The following IARS1 variants were observed in gnomAD, a reference collection of about 807,000 sequenced individuals.
The protein encoded by IARS1 is isoleucine--tRNA ligase, cytoplasmic.
In IARS1, 124 loss-of-function variants were observed where a neutral mutation model predicts 168.2. The ratio of observed to expected loss-of-function variants is 0.74; its 90% CI spans 0.64 to 0.86. The LOEUF is 0.86. Ranked by LOEUF, IARS1 falls within the 40% of genes least tolerant of loss-of-function variation. The probability of loss-of-function intolerance (pLI) is 0.00; values close to 1 mark genes in which losing one functional copy is unlikely to be tolerated. For missense variants in IARS1, 1,452 were observed against 1,515.8 expected (o/e 0.96, Z 0.70); for synonymous variants, 532 against 529.4 (o/e 1.00, Z -0.07).
intron 24 of IARS1, 109 bp from the exon 25 acceptor site, chr9:92,250,050 C>T: frequency 1.2e-6 from 1 of 865,942 alleles, no homozygotes; most frequent in Non-Finnish European, 1.9e-6. Flanking sequence ...TCAGGCTGGA[C>T]TAGTACTAAG....
intron 21 of IARS1, among the ~76,000 whole-genome samples, chr9:92,252,764 CAAAAAAAA>C (rs34983021): frequency 2.1e-3 from 57 of 27,228 alleles, no homozygotes; most frequent in Admixed American, 4.1e-3. Context: ...AACTCCTTCT[CAAAAAAAA>C]AAAAAAAAAA....
At chr9:92,251,439 T>C (rs2133706435) in intron 22 of IARS1, among the ~76,000 whole-genome samples, 1 of 152,324 alleles carries the variant, frequency 6.6e-6, no homozygotes, top group East Asian at 1.9e-4. Context: ...TTTTGTGATA[T>C]ATATATATTT....
chr9:92,235,265 C>G (rs1018514409), intron 30 of IARS1, among the ~76,000 whole-genome samples: 1 of 152,136 alleles, frequency 6.6e-6, no homozygotes, highest in Non-Finnish European at 1.5e-5. Flanking sequence ...AGTACAATGT[C>G]GAATATGAGT....
intron 20 of IARS1, among the ~76,000 whole-genome samples, chr9:92,255,019 T>A (rs894223857): frequency 6.6e-6 from 1 of 152,266 alleles, no homozygotes; most frequent in East Asian, 1.9e-4. Context: ...TCCCACCCAC[T>A]TGTATCACTC....
intron 33 of IARS1, among the ~76,000 whole-genome samples, chr9:92,211,349 GTC>G (rs369965185): frequency 0.034 from 4,964 of 146,976 alleles, 114 homozygotes; most frequent in South Asian, 0.081. Context: ...TGACTCCAGG[GTC>G]TCTCTCTCTC....
At chr9:92,226,135 G>A (rs1441017726) in intron 31 of IARS1, among the ~76,000 whole-genome samples, 2 of 152,238 alleles carry the variant, frequency 1.3e-5, no homozygotes, top group East Asian at 1.9e-4. Context: ...CCTGGTTAGA[G>A]ATTTTTCTCA....
At chr9:92,272,792 C>T (rs1023850045) in intron 10 of IARS1, among the ~76,000 whole-genome samples, 3 of 146,286 alleles carry the variant, frequency 2.1e-5, no homozygotes, top group African/African-American at 5.0e-5. Context: ...CAGAGGTTGC[C>T]GTGAGCCAAG....
intron 31 of IARS1, among the ~76,000 whole-genome samples, chr9:92,224,832 C>CAAAAAAT (rs55925549): frequency 0.52 from 77,425 of 148,330 alleles, 22,126 homozygotes; most frequent in African/African-American, 0.77. Flanking sequence ...GACCCTGTCT[C>CAAAAAAT]AAAAAATAAA....
chr9:92,232,309 T>C (rs890641566), intron 30 of IARS1, among the ~76,000 whole-genome samples: 1 of 152,006 alleles, frequency 6.6e-6, no homozygotes, highest in African/African-American at 2.4e-5. Context: ...GCATTAATAG[T>C]GGAACATAAA....
chr9:92,251,994 G>T, intron 21 of IARS1, 109 bp from the exon 22 acceptor site: 1 of 781,310 alleles, frequency 1.3e-6, no homozygotes, highest in Non-Finnish European at 2.1e-6. Context: ...GCAGCATACA[G>T]ACAAGACATG....
At chr9:92,248,538 C>T (rs759002235) in intron 25 of IARS1, among the ~76,000 whole-genome samples, 2 of 150,592 alleles carry the variant, frequency 1.3e-5, no homozygotes, top group African/African-American at 2.4e-5. Flanking sequence ...GCCTAATCTC[C>T]GCCACTTGGG....
intron 30 of IARS1, 31 bp downstream of exon 30, chr9:92,240,825 A>C (rs1828279406): frequency 7.2e-7 from 1 of 1,383,974 alleles, no homozygotes; most frequent in African/African-American, 1.4e-5. Context: ...AACTAAAAAA[A>C]AGTCACACAA....
At chr9:92,283,435 G>C (rs1321263210) in intron 6 of IARS1, among the ~76,000 whole-genome samples, 1 of 152,162 alleles carries the variant, frequency 6.6e-6, no homozygotes, top group African/African-American at 2.4e-5. Context: ...ACTGAGGTAA[G>C]GAGTTCAAGA....
intron 6 of IARS1, among the ~76,000 whole-genome samples, chr9:92,283,068 C>T (rs1164560754): frequency 6.6e-5 from 10 of 151,798 alleles, no homozygotes; most frequent in Admixed American, 5.3e-4. Context: ...TTGCCCAGGT[C>T]GGCCTCCAAA....
chr9:92,273,313 G>C (rs73653051), intron 10 of IARS1, among the ~76,000 whole-genome samples: 153 of 152,140 alleles, frequency 1.0e-3, no homozygotes, highest in African/African-American at 3.3e-3. Context: ...CATCAAAATG[G>C]ACCAGGTATT....
intron 1 of IARS1, among the ~76,000 whole-genome samples, chr9:92,292,266 T>C (rs1168538404): frequency 1.3e-5 from 2 of 150,966 alleles, no homozygotes; most frequent in African/African-American, 4.9e-5. Context: ...CTTCAACTCC[T>C]AGGCTAAAGC....
intron 33 of IARS1, among the ~76,000 whole-genome samples, chr9:92,221,931 G>A (rs1413595019): frequency 6.6e-6 from 1 of 152,140 alleles, no homozygotes; most frequent in East Asian, 1.9e-4. Context: ...CAGCAAATAT[G>A]CTGATTTACC....
intron 20 of IARS1, among the ~76,000 whole-genome samples, chr9:92,254,082 C>A (rs1830396539): frequency 6.6e-6 from 1 of 152,158 alleles, no homozygotes; most frequent in South Asian, 2.1e-4. Context: ...ATGACCTGGC[C>A]CAAACTGCCC....
At chr9:92,233,220 T>C (rs1285147438) in intron 30 of IARS1, among the ~76,000 whole-genome samples, 2 of 152,248 alleles carry the variant, frequency 1.3e-5, no homozygotes, top group African/African-American at 4.8e-5. Flanking sequence ...AGAAATCTGA[T>C]AGCCTGGTCT....
Sources: gnomAD v4.1 joint callset for allele counts (sites outside exome capture counted in the v4.1 genomes callset) on GRCh38, gnomAD v4.1.1 for gene constraint, MANE v1.5 for transcripts, NCBI Gene and HGNC (gene_info 2026-07-23, HGNC 2026-07-21) for gene names.